Variants in PRUNE2 observed in about 807,000 individuals in gnomAD.
The protein encoded by PRUNE2 is prune homolog 2 with BCH domain.
Under a neutral mutation model 252.0 loss-of-function variants are expected in PRUNE2, and 164 were observed. The ratio of observed to expected loss-of-function variants is 0.65; its 90% CI spans 0.57 to 0.74. The LOEUF (loss-of-function observed/expected upper bound fraction) is 0.74, where lower values mean the gene tolerates loss of function less well. PRUNE2 is among the 30% of genes least tolerant of loss of function. PRUNE2 has a pLI of 0.00. For missense variants in PRUNE2, 3,495 were observed against 3,711.0 expected (o/e 0.94, Z 1.51); for synonymous variants, 1,292 against 1,350.2 (o/e 0.96, Z 0.94).
intron 6 of PRUNE2, among the ~76,000 whole-genome samples, chr9:76,805,103 C>T (rs1016610491): frequency 6.6e-6 from 1 of 152,142 alleles, no homozygotes; most frequent in African/African-American, 2.4e-5. Flanking sequence ...CTGACATCTT[C>T]GAAGGTTTCT....
intron 1 of PRUNE2, among the ~76,000 whole-genome samples, chr9:76,874,087 T>TC (rs2061360311): frequency 6.6e-6 from 1 of 152,152 alleles, no homozygotes; most frequent in Non-Finnish European, 1.5e-5. Flanking sequence ...GTGATCTTAA[T>TC]CATGAATACC....
intron 3 of PRUNE2, among the ~76,000 whole-genome samples, chr9:76,847,117 G>C (rs1008399048): frequency 6.6e-6 from 1 of 152,138 alleles, no homozygotes; most frequent in African/African-American, 2.4e-5. Context: ...ATGAGGTCAG[G>C]AGTTTACGAC....
intron 6 of PRUNE2, among the ~76,000 whole-genome samples, chr9:76,769,742 C>T (rs2052884953): frequency 1.3e-5 from 2 of 152,154 alleles, no homozygotes; most frequent in South Asian, 4.1e-4. Context: ...TATTCTGATG[C>T]TTGTATTTCT....
At chr9:76,719,513 T>G (rs1476216777) in intron 6 of PRUNE2, among the ~76,000 whole-genome samples, 1 of 152,088 alleles carries the variant, frequency 6.6e-6, no homozygotes, top group African/African-American at 2.4e-5. Flanking sequence ...AGGCCGAGCA[T>G]GGTGGCTCAC....
chr9:76,820,764 C>A (rs1337243635), intron 6 of PRUNE2, among the ~76,000 whole-genome samples: 1 of 152,244 alleles, frequency 6.6e-6, no homozygotes, highest in South Asian at 2.1e-4. Context: ...TGATGTTATC[C>A]TTCAACCATA....
intron 5 of PRUNE2, among the ~76,000 whole-genome samples, chr9:76,824,071 T>A (rs1271769365): frequency 6.6e-6 from 1 of 152,172 alleles, no homozygotes; most frequent in Admixed American, 6.5e-5. Flanking sequence ...GATCTGTAAC[T>A]TGAGAAGACT....
In PRUNE2 at chr9:76,705,849, T is replaced by A. The variant is rs1192775377; in HGVS notation, c.6425A>T (p.Asp2142Val). 3.1e-6 allele frequency: 5 copies of A among 1,613,680 alleles called. No individual in the cohort carries two copies. The highest frequency in any genetic ancestry group is 3.4e-6 in the Non-Finnish European group (4 of 1,179,888). Residue 2142 changes from aspartate (D) to valine (V), a missense_variant, in exon 8 of 19, where the codon GAT (aspartate) becomes GTT (valine). Physicochemically the swap from Asp to Val is radical, Grantham distance 152. Transcript: ENST00000376718. ...SELCLTEPEI[D>V]EEPIYEPGRE... ...TCCAGGCTCATAAATGGGTTCTTCA[T>A]CTATCTCTGGCTCAGTGAGACAAAG...
intron 6 of PRUNE2, among the ~76,000 whole-genome samples, chr9:76,822,515 AAAG>A (rs761000536): frequency 8.5e-5 from 13 of 152,214 alleles, no homozygotes; most frequent in African/African-American, 2.4e-4. Flanking sequence ...ACCATGAGAA[AAAG>A]AAGAATAGGT....
In PRUNE2 at chr9:76,707,811, C is replaced by T; in HGVS notation, c.4463G>A (p.Ser1488Asn). The change falls in exon 8 of 19, where the codon AGT becomes AAT. Residue 1488 changes from serine (S) to asparagine (N), a missense_variant. Transcript: ENST00000376718. Reference sequence around the variant, plus strand: ...TATAGGGACGTCCCCAAAATCAAGACTTCGGGGAACTCTGTGAGGTGGCCC... The same window carrying T: ...TATAGGGACGTCCCCAAAATCAAGATTTCGGGGAACTCTGTGAGGTGGCCC... ...GGGPPHRVPR[S>N]LDFGDVPIDS... The T allele has an allele frequency of 6.2e-7, 1 of 1,613,422 alleles. No homozygotes were observed. Among genetic ancestry groups the T allele is most frequent in the Non-Finnish European group, 8.5e-7 (1 of 1,179,644 alleles).
chr9:76,799,069 G>A (rs886137364), intron 6 of PRUNE2, among the ~76,000 whole-genome samples: 11 of 151,878 alleles, frequency 7.2e-5, no homozygotes, highest in Non-Finnish European at 1.0e-4. Flanking sequence ...GGCCAAACGC[G>A]GTGGCTCACG....
At chr9:76,652,808 A>C in intron 10 of PRUNE2, 125 bp from the exon 11 acceptor site, 1 of 659,420 alleles carries the variant, frequency 1.5e-6, no homozygotes. Context: ...CGTGTCAAGG[A>C]AATACTCACT....
intron 6 of PRUNE2, among the ~76,000 whole-genome samples, chr9:76,800,796 A>T (rs2056499837): frequency 1.3e-5 from 2 of 152,234 alleles, no homozygotes; most frequent in African/African-American, 2.4e-5. Context: ...AAAATGTTGA[A>T]TTGTGTGCAT....
rs1436593317 is a variant in PRUNE2 at position 76,722,206 on chromosome 9, G to A, written c.757-8485C>T. On this transcript the variant is annotated intron_variant, in intron 6 of 18. Coordinates refer to ENST00000376718, the MANE Select transcript of PRUNE2 (RefSeq NM_015225.3). ...CCTGAGTAGCTGGGATTACAGGCGTGTGCCACCACACCCTGCTATTTTTTT... is the reference window on the plus strand; with the variant it reads ...CCTGAGTAGCTGGGATTACAGGCGTATGCCACCACACCCTGCTATTTTTTT... 6.0e-5 allele frequency among the ~76,000 whole-genome samples: 9 copies of A among 150,602 alleles called. No individual in the cohort carries two copies. In the East Asian group the frequency reaches 1.6e-3, roughly 26 times the overall value.
intron 17 of PRUNE2, among the ~76,000 whole-genome samples, chr9:76,623,688 A>G (rs780527053): frequency 2.7e-4 from 41 of 152,216 alleles, no homozygotes; most frequent in Non-Finnish European, 3.5e-4. Flanking sequence ...GACAACCTCA[A>G]TATTACAGTT....
intron 5 of PRUNE2, among the ~76,000 whole-genome samples, chr9:76,825,486 A>G (rs2058293120): frequency 2.0e-5 from 3 of 152,202 alleles, no homozygotes; most frequent in Admixed American, 6.5e-5. Flanking sequence ...CACCTCCCAC[A>G]TAAACCACTT....
chr9:76,790,166 A>C (rs1367996579), intron 6 of PRUNE2, among the ~76,000 whole-genome samples: 3 of 152,152 alleles, frequency 2.0e-5, no homozygotes, highest in Admixed American at 6.5e-5. Context: ...TCATACTCCA[A>C]GTAAGCATGC....
chr9:76,734,789 G>C (rs556645773), intron 6 of PRUNE2, among the ~76,000 whole-genome samples: 1 of 152,270 alleles, frequency 6.6e-6, no homozygotes, highest in East Asian at 1.9e-4. Context: ...CATCCACTTG[G>C]CCACGGTGAT....
intron 6 of PRUNE2, among the ~76,000 whole-genome samples, chr9:76,745,872 A>T (rs1048173120): frequency 6.6e-6 from 1 of 152,170 alleles, no homozygotes; most frequent in Non-Finnish European, 1.5e-5. Context: ...TCCGACCACA[A>T]GGATGGGCAT....
intron 1 of PRUNE2, among the ~76,000 whole-genome samples, chr9:76,895,333 G>A (rs987281805): frequency 1.3e-5 from 2 of 152,144 alleles, no homozygotes; most frequent in South Asian, 4.2e-4. Flanking sequence ...CATCTTGTAC[G>A]TGCTGAGGCC....
Sources: gnomAD v4.1 joint callset for allele counts (sites outside exome capture counted in the v4.1 genomes callset) on GRCh38, gnomAD v4.1.1 for gene constraint, MANE v1.5 for transcripts, NCBI Gene and HGNC (gene_info 2026-07-23, HGNC 2026-07-21) for gene names.